The following SNX13 variants were observed in gnomAD, a reference collection of about 807,000 sequenced individuals.
SNX13 encodes sorting nexin 13.
In SNX13, 45 loss-of-function variants were observed where a neutral mutation model predicts 133.6. The observed-to-expected ratio is 0.34, with a 90% CI of 0.27 to 0.43. The LOEUF is 0.43. SNX13 is among the 20% of genes least tolerant of loss of function. The pLI is 1.00. For synonymous variants in SNX13, 414 were observed against 373.9 expected, an observed-to-expected ratio of 1.11 and a Z score of -1.24; for missense variants, 1,032 against 1,145.1, an observed-to-expected ratio of 0.90 and a Z score of 1.43.
At chr7:17,797,244 CA>C (rs1784150488) in intron 24 of SNX13, among the ~76,000 whole-genome samples, 1 of 151,804 alleles carries the variant, frequency 6.6e-6, no homozygotes, top group Admixed American at 6.6e-5. Context: ...CATTTAAACT[CA>C]AAGTGGGCAT....
At chr7:17,838,425 A>C in intron 13 of SNX13, among the ~76,000 whole-genome samples, 1 of 151,844 alleles carries the variant, frequency 6.6e-6, no homozygotes, top group Non-Finnish European at 1.5e-5. Context: ...ATTTTCAGAG[A>C]ACCAACTTTT....
rs1037784228 is a variant in SNX13, at chr7:17,817,237, C to T, written c.1846-948G>A. ...AGGTCCATCATCGTAATCTGTAATG[C>T]CTTGCTAAAACACTTTTTTTAACCA... On this transcript the variant is annotated intron_variant, in intron 18 of 25. Transcript: ENST00000428135. Among the ~76,000 whole-genome samples the T allele has an allele frequency of 3.3e-5, 5 of 152,134 alleles. No homozygotes were observed. The East Asian group carries it at 7.7e-4, about 23-fold the overall frequency.
At position 17,868,506 on chromosome 7, in the gene SNX13, AT is replaced by A. The variant is rs371631147; in HGVS notation, c.754-17del. ...CAAGGATTTCCTGAAAAAAAAGTAA[AT>A]AACAAAAACAAATTTAATCTATTTC... On this transcript the variant is annotated splice_polypyrimidine_tract_variant and intron_variant, in intron 8 of 25. Transcript: ENST00000428135. The A allele has an allele frequency of 6.4e-7, 1 of 1,565,352 alleles. No homozygotes were observed. Among genetic ancestry groups the A allele is most frequent in the Non-Finnish European group, 8.7e-7 (1 of 1,146,246 alleles).
At chr7:17,884,083 G>C (rs1221051966) in intron 5 of SNX13, among the ~76,000 whole-genome samples, 1 of 152,076 alleles carries the variant, frequency 6.6e-6, no homozygotes, top group Non-Finnish European at 1.5e-5. Flanking sequence ...TCCTGCAACA[G>C]ACAGTTTTAT....
intron 1 of SNX13, among the ~76,000 whole-genome samples, chr7:17,924,747 G>A (rs1800540368): frequency 6.6e-6 from 1 of 152,104 alleles, no homozygotes; most frequent in African/African-American, 2.4e-5. Context: ...GAAAGGATAA[G>A]CAAAATGTAG....
At chr7:17,867,627 A>G (rs910447514) in intron 9 of SNX13, among the ~76,000 whole-genome samples, 1 of 150,904 alleles carries the variant, frequency 6.6e-6, no homozygotes, top group African/African-American at 2.5e-5. Flanking sequence ...ATAAAAATAA[A>G]GTAAAAAAAA....
intron 5 of SNX13, among the ~76,000 whole-genome samples, chr7:17,885,914 T>C (rs1232616543): frequency 6.6e-6 from 1 of 152,200 alleles, no homozygotes; most frequent in Non-Finnish European, 1.5e-5. Context: ...TCTAATTGTT[T>C]TTGCTGTACT....
intron 1 of SNX13, among the ~76,000 whole-genome samples, chr7:17,907,829 G>A (rs1238372094): frequency 2.0e-5 from 3 of 152,146 alleles, no homozygotes; most frequent in Non-Finnish European, 4.4e-5. Context: ...TTAAGCAGAA[G>A]AAAGCTTGCA....
chr7:17,887,853 GA>G (rs60926364), intron 5 of SNX13, among the ~76,000 whole-genome samples: 5,701 of 146,194 alleles, frequency 0.039, 348 homozygotes, highest in African/African-American at 0.13. Context: ...CACTGGATAG[GA>G]AAAAAAAAAA....
chr7:17,821,737 G>A (rs963331818), intron 17 of SNX13, 89 bp from the exon 18 acceptor site: 3 of 1,401,454 alleles, frequency 2.1e-6, no homozygotes, highest in Middle Eastern at 1.9e-4. Flanking sequence ...GGAGGAAGAT[G>A]AAGAAAACAA....
chr7:17,793,112 T>C lies in SNX13; in HGVS notation c.*933A>G, dbSNP rs868790513. 24 of 152,450 alleles carry C rather than the reference T, an allele frequency of 1.6e-4. No individual in the cohort carries two copies. The highest frequency in any genetic ancestry group is 3.2e-4 in the Non-Finnish European group (22 of 67,856). The allele number at this position is 152,450 out of a possible 1,614,324, so 9.4% of individuals were successfully genotyped here. ...TTTCTGCAGTTACCTAAGGCATGTC[T>C]AGATCACACAATTAAAAATTATCAT... On this transcript the variant is annotated 3_prime_UTR_variant, in exon 26 of 26. Transcript: ENST00000428135.
chr7:17,891,405 T>C (rs931623820), intron 4 of SNX13, 141 bp downstream of exon 4: 12 of 517,990 alleles, frequency 2.3e-5, no homozygotes, highest in Middle Eastern at 5.3e-4. Flanking sequence ...TAAGGAAGCA[T>C]CTTCAAGTAT....
chr7:17,903,968 T>G (rs909217452), intron 1 of SNX13, among the ~76,000 whole-genome samples: 1 of 152,174 alleles, frequency 6.6e-6, no homozygotes, highest in Admixed American at 6.5e-5. Flanking sequence ...TTAGATAATC[T>G]ACCTGTGTTG....
In SNX13 at chr7:17,845,675, A is replaced by T; in HGVS notation, c.1085T>A (p.Leu362His). Residue 362 changes from leucine (L) to histidine (H), a missense_variant, in exon 12 of 26, where the codon CTT (leucine) becomes CAT (histidine). Transcript: ENST00000428135. ...QSGKEINTVK[L>H]AANFGKLCTV... ...GCAAAGTTTCCCAAAGTTTGCTGCA[A>T]GTTTCACAGTATTTATTTCCTACAG... The T allele has an allele frequency of 6.3e-7, 1 of 1,597,822 alleles. No homozygotes were observed. The highest frequency in any genetic ancestry group is 1.1e-5 in the South Asian group (1 of 87,388).
chr7:17,806,718 CAGA>C (rs1785340942), intron 20 of SNX13, among the ~76,000 whole-genome samples: 1 of 152,064 alleles, frequency 6.6e-6, no homozygotes, highest in South Asian at 2.1e-4. Context: ...GAGATCAACG[CAGA>C]AGGTGGGTGA....
chr7:17,835,986 TG>T lies in SNX13; in HGVS notation c.1360-1122del, dbSNP rs142304520. Among the ~76,000 whole-genome samples the T allele has an allele frequency of 4.5e-3, 679 of 152,096 alleles. 6 individuals are homozygous for T. Among genetic ancestry groups the T allele is most frequent in the African/African-American group, 0.016 (661 of 41,528 alleles). ...CATTAGAGAGGAATATGATGTTACT[TG>T]GTTTTGCCCTTTCATTTGCCCTCTA... On this transcript the variant is annotated intron_variant, in intron 13 of 25. Coordinates refer to ENST00000428135, the MANE Select transcript of SNX13 (RefSeq NM_015132.5).
rs1002168060 is a variant in SNX13 at position 17,827,025 on chromosome 7, T to C, written c.1636-934A>G. Among the ~76,000 whole-genome samples, 4 of 152,132 alleles carry C rather than the reference T, an allele frequency of 2.6e-5. No individual in the cohort carries two copies. In the East Asian group the frequency reaches 7.7e-4, roughly 29 times the overall value. Reference sequence around the variant, plus strand: ...AAACTATCTGTATAAGAAATGTTTATGCTGAACACCTACTTTCCTTCTAGG... The same window carrying C: ...AAACTATCTGTATAAGAAATGTTTACGCTGAACACCTACTTTCCTTCTAGG... On this transcript the variant is annotated intron_variant, in intron 16 of 25. Coordinates refer to ENST00000428135, the MANE Select transcript of SNX13 (RefSeq NM_015132.5).
chr7:17,872,974 GC>G (rs1407131139), intron 8 of SNX13, among the ~76,000 whole-genome samples: 1 of 152,138 alleles, frequency 6.6e-6, no homozygotes, highest in Non-Finnish European at 1.5e-5. Flanking sequence ...TTTTCCAATT[GC>G]TAAAAAACAT....
rs1390352495 is a variant in SNX13 at position 17,797,000 on chromosome 7, T to TA, written c.2514-62dup. ...TTCATTTTCTAATGATACAAGTTGATAAAATTATTTCAAATTTCTACAGAA... is the reference window on the plus strand; with the variant it reads ...TTCATTTTCTAATGATACAAGTTGATAAAAATTATTTCAAATTTCTACAGAA... On this transcript the variant is annotated intron_variant, in intron 24 of 25. Coordinates refer to ENST00000428135, the MANE Select transcript of SNX13 (RefSeq NM_015132.5). The TA allele has an allele frequency of 2.4e-6, 3 of 1,233,022 alleles. No individual in the cohort carries two copies. In the African/African-American group the frequency reaches 4.5e-5, roughly 19 times the overall value. 76.4% of individuals were successfully genotyped at this position (1,233,022 alleles called of 1,614,324 possible).
Sources: allele counts gnomAD v4.1 joint callset (sites outside exome capture counted in the v4.1 genomes callset), GRCh38; gene constraint gnomAD v4.1.1; transcripts MANE v1.5; gene names NCBI Gene and HGNC (gene_info 2026-07-23, HGNC 2026-07-21).